Variants in ANO3 observed in about 807,000 individuals in gnomAD.
ANO3 encodes the protein anoctamin-3.
ANO3 carries 99 observed loss-of-function variants against 144.8 expected under a neutral mutation model. The ratio of observed to expected loss-of-function variants is 0.68; its 90% CI spans 0.58 to 0.81. ANO3 has a LOEUF of 0.81. Among genes scored for constraint, ANO3 ranks in the 30% least tolerant of loss-of-function variants. ANO3 has a pLI of 0.00. For synonymous variants in ANO3, 414 were observed against 392.6 expected (o/e 1.05, Z -0.64); for missense variants, 905 against 1,202.2 (o/e 0.75, Z 3.66).
chr11:26,241,276 C>T (rs1852659666), intron 1 of ANO3, among the ~76,000 whole-genome samples: 1 of 152,124 alleles, frequency 6.6e-6, no homozygotes, highest in Non-Finnish European at 1.5e-5. Flanking sequence ...TCTTTATCAG[C>T]AGCATGAAAA....
intron 9 of ANO3, 106 bp downstream of exon 9, chr11:26,534,668 T>A (rs1849459502): frequency 1.4e-6 from 1 of 709,304 alleles, no homozygotes; most frequent in African/African-American, 1.8e-5. Flanking sequence ...ATTAAATAGA[T>A]GTGTATAACA....
At chr11:26,537,297 T>C in intron 9 of ANO3, 109 bp from the exon 10 acceptor site, 1 of 894,218 alleles carries the variant, frequency 1.1e-6, no homozygotes, top group East Asian at 2.4e-5. Flanking sequence ...GTCATTTGGG[T>C]TATCTTAAAC....
At chr11:26,623,391 T>C (rs1396205264) in intron 17 of ANO3, among the ~76,000 whole-genome samples, 2 of 152,230 alleles carry the variant, frequency 1.3e-5, no homozygotes, top group South Asian at 4.1e-4. Flanking sequence ...TGAGGTAATA[T>C]TCATATGCAC....
intron 7 of ANO3, among the ~76,000 whole-genome samples, chr11:26,529,407 A>T (rs368125388): frequency 0.15 from 121 of 798 alleles, 57 homozygotes; most frequent in Middle Eastern, 1. Flanking sequence ...TTATATAATA[A>T]TATATAATAA....
At chr11:26,434,738 G>T (rs1207352579) in intron 1 of ANO3, among the ~76,000 whole-genome samples, 1 of 152,124 alleles carries the variant, frequency 6.6e-6, no homozygotes, top group Non-Finnish European at 1.5e-5. Context: ...ATGGTTTTGA[G>T]CAATTTTTTA....
chr11:26,377,322 G>A (rs565289174), intron 1 of ANO3, among the ~76,000 whole-genome samples: 1 of 152,122 alleles, frequency 6.6e-6, no homozygotes, highest in East Asian at 1.9e-4. Flanking sequence ...TGTGATTTAT[G>A]TCAAGAAATC....
upstream of ANO3, among the ~76,000 whole-genome samples, chr11:26,330,259 C>T (rs1855002697): frequency 6.6e-6 from 1 of 152,110 alleles, no homozygotes; most frequent in Non-Finnish European, 1.5e-5. Flanking sequence ...AGAATTTTAA[C>T]TCTGGATGAA....
chr11:26,378,759 G>A (rs1479872363), intron 1 of ANO3, among the ~76,000 whole-genome samples: 1 of 151,872 alleles, frequency 6.6e-6, no homozygotes, highest in South Asian at 2.1e-4. Flanking sequence ...AGAGTCAATG[G>A]GTCTGTTAAC....
chr11:26,192,083 T>C (rs1424326391), intron 1 of ANO3, among the ~76,000 whole-genome samples: 1 of 152,210 alleles, frequency 6.6e-6, no homozygotes, highest in Non-Finnish European at 1.5e-5. Flanking sequence ...AGTCAAGTTA[T>C]ATATGTTCTG....
At chr11:26,197,793 T>C (rs1851618940) in intron 1 of ANO3, among the ~76,000 whole-genome samples, 2 of 152,176 alleles carry the variant, frequency 1.3e-5, no homozygotes, top group Admixed American at 6.5e-5. Context: ...AATGAACACT[T>C]TTCTGAGCCC....
intron 1 of ANO3, among the ~76,000 whole-genome samples, chr11:26,208,512 C>CAAAAAA (rs67196052): frequency 0.014 from 1,679 of 121,570 alleles, 50 homozygotes; most frequent in African/African-American, 0.056. Flanking sequence ...GACTCCGTCT[C>CAAAAAA]AAAAAAAAAA....
At chr11:26,449,410 A>G (rs1565031158) in intron 3 of ANO3, among the ~76,000 whole-genome samples, 1 of 152,022 alleles carries the variant, frequency 6.6e-6, no homozygotes, top group African/African-American at 2.4e-5. Flanking sequence ...CTTAAAGAAT[A>G]CTTTTAGGAT....
chr11:26,490,388 T>C (rs541873884), intron 4 of ANO3, among the ~76,000 whole-genome samples: 2 of 152,210 alleles, frequency 1.3e-5, no homozygotes, highest in Non-Finnish European at 2.9e-5. Flanking sequence ...ACACTTTTCT[T>C]GCAAACATGC....
At chr11:26,292,196 C>G (rs1030921999) in intron 1 of ANO3, among the ~76,000 whole-genome samples, 5 of 151,454 alleles carry the variant, frequency 3.3e-5, no homozygotes, top group Non-Finnish European at 7.4e-5. Flanking sequence ...TCCACTTGAT[C>G]CAATCAGTTA....
Position 26,434,542 on chromosome 11 carries a change from A to G in ANO3, c.47-7376A>G, listed in dbSNP as rs189919928. 2.0e-5 allele frequency among the ~76,000 whole-genome samples: 3 copies of G among 152,120 alleles called. No homozygotes were observed. In the East Asian group the frequency reaches 5.8e-4, roughly 29 times the overall value. ...TAGGTTGTTAATTTGGGATCTTTCTAACTTATTGATGTGGGCATTTAGTGC... is the reference window on the plus strand; with the variant it reads ...TAGGTTGTTAATTTGGGATCTTTCTGACTTATTGATGTGGGCATTTAGTGC... On this transcript the variant is annotated intron_variant, in intron 1 of 26. Coordinates refer to ENST00000256737, the MANE Select transcript of ANO3 (RefSeq NM_031418.4).
intron 1 of ANO3, among the ~76,000 whole-genome samples, chr11:26,192,776 C>T (rs1851503231): frequency 6.6e-6 from 1 of 152,116 alleles, no homozygotes; most frequent in African/African-American, 2.4e-5. Flanking sequence ...TCTGTTCTGT[C>T]TGTAACTTTA....
At chr11:26,546,069 C>T (rs1051426436) in intron 11 of ANO3, among the ~76,000 whole-genome samples, 11 of 151,850 alleles carry the variant, frequency 7.2e-5, no homozygotes, top group Non-Finnish European at 1.3e-4. Context: ...TTTGTCTGTG[C>T]AACCCTCTGT....
At chr11:26,484,349 C>A (rs1166230343) in intron 4 of ANO3, among the ~76,000 whole-genome samples, 1 of 152,148 alleles carries the variant, frequency 6.6e-6, no homozygotes, top group Non-Finnish European at 1.5e-5. Flanking sequence ...CTCCCTGCAT[C>A]CCAGCCACCA....
chr11:26,545,103 A>G (rs1849753405), intron 11 of ANO3, among the ~76,000 whole-genome samples: 1 of 152,058 alleles, frequency 6.6e-6, no homozygotes, highest in South Asian at 2.1e-4. Context: ...AACCAGAAGA[A>G]AGATTGTCTT....
Sources: gnomAD v4.1 joint callset for allele counts (sites outside exome capture counted in the v4.1 genomes callset) on GRCh38, gnomAD v4.1.1 for gene constraint, MANE v1.5 for transcripts, NCBI Gene and HGNC (gene_info 2026-07-23, HGNC 2026-07-21) for gene names.